The following TUBGCP4 variants were observed in gnomAD, a reference collection of about 807,000 sequenced individuals.
The protein encoded by TUBGCP4 is gamma-tubulin complex component 4.
In TUBGCP4, 54 loss-of-function variants were observed where a neutral mutation model predicts 91.6. The observed-to-expected ratio is 0.59, with a 90% CI of 0.47 to 0.74. TUBGCP4 has a LOEUF of 0.74. TUBGCP4 is among the 30% of genes least tolerant of loss of function. TUBGCP4 has a pLI of 0.00. For missense variants in TUBGCP4, 593 were observed against 800.9 expected, an observed-to-expected ratio of 0.74 and a Z score of 3.13; for synonymous variants, 297 against 302.8, an observed-to-expected ratio of 0.98 and a Z score of 0.20.
rs944671042 is a variant in TUBGCP4 at position 43,379,996 on chromosome 15, T to C, written c.442-88T>C. 2.4e-6 allele frequency: 3 copies of C among 1,260,924 alleles called. No individual in the cohort carries two copies. In the African/African-American group the frequency reaches 4.4e-5, roughly 19 times the overall value. The allele number at this position is 1,260,924 out of a possible 1,614,324, so 78.1% of individuals were successfully genotyped here. On this transcript the variant is annotated intron_variant, in intron 5 of 17. Coordinates refer to ENST00000564079, the MANE Select transcript of TUBGCP4 (RefSeq NM_014444.5). ...TTTATCCCCAGTCTCTCCTAGATTG[T>C]GCCCTCTTGGTTGAATATGGAATAA...
intron 7 of TUBGCP4, chr15:43,385,443 C>T: frequency 2.2e-6 from 1 of 463,960 alleles, no homozygotes; most frequent in Non-Finnish European, 4.3e-6. Flanking sequence ...CCCTGAGGAG[C>T]ACCAGCAGAG....
At chr15:43,391,212 C>T (rs1203054300) in intron 9 of TUBGCP4, among the ~76,000 whole-genome samples, 1 of 151,566 alleles carries the variant, frequency 6.6e-6, no homozygotes, top group Admixed American at 6.6e-5. Context: ...TTCTTTTTTT[C>T]CCCCAGAGAC....
At chr15:43,401,646 G>A (rs1766517846) in intron 14 of TUBGCP4, 70 bp from the exon 15 acceptor site, 1 of 1,517,040 alleles carries the variant, frequency 6.6e-7, no homozygotes, top group Non-Finnish European at 9.0e-7. Context: ...ATTTCAATCT[G>A]TCAGGCATCT....
Position 43,400,241 on chromosome 15 carries a change from T to G in TUBGCP4, c.1596+20T>G. ...CTCCAGGTCTGTGCTAAGAGATGAG[T>G]AGAAGGAAGGGGTACGGAAAAACGT... On this transcript the variant is annotated intron_variant, in intron 14 of 17. Coordinates refer to ENST00000564079, the MANE Select transcript of TUBGCP4 (RefSeq NM_014444.5). 1 of 1,606,748 alleles carries G rather than the reference T, an allele frequency of 6.2e-7. No individual in the cohort carries two copies. Among genetic ancestry groups the G allele is most frequent in the Non-Finnish European group, 8.5e-7 (1 of 1,174,134 alleles).
intron 9 of TUBGCP4, among the ~76,000 whole-genome samples, chr15:43,387,322 A>G (rs745726787): frequency 3.3e-5 from 5 of 152,352 alleles, no homozygotes; most frequent in East Asian, 3.9e-4. Context: ...TCAAAGGAGC[A>G]TATATGTTCT....
intron 9 of TUBGCP4, chr15:43,391,568 C>T (rs753427006): frequency 6.6e-6 from 1 of 152,158 alleles, no homozygotes; most frequent in Non-Finnish European, 1.5e-5. Flanking sequence ...ACCTGGTGGT[C>T]CCCCACTCCC....
At position 43,405,133 on chromosome 15, in the gene TUBGCP4, A is replaced by AT. The variant is rs1595507435; in HGVS notation, c.1989-67dup. The AT allele has an allele frequency of 8.4e-6, 13 of 1,554,502 alleles. No individual in the cohort carries two copies. The East Asian group carries it at 2.7e-4, about 32-fold the overall frequency. On this transcript the variant is annotated intron_variant, in intron 17 of 17. Transcript: ENST00000564079. ...ATTATTTAGATCACAGGTTATCCTG[A>AT]TTCATATTTCTTTGAAGGTAGTCTT...
intron 9 of TUBGCP4, among the ~76,000 whole-genome samples, chr15:43,392,586 C>T (rs989003244): frequency 6.6e-6 from 1 of 152,010 alleles, no homozygotes; most frequent in Non-Finnish European, 1.5e-5. Flanking sequence ...GCAACCTCTG[C>T]CTCCCGGGTT....
chr15:43,373,943 C>A (rs546669364), intron 1 of TUBGCP4, among the ~76,000 whole-genome samples: 2 of 152,130 alleles, frequency 1.3e-5, no homozygotes, highest in African/African-American at 4.8e-5. Flanking sequence ...TGAGCCACTG[C>A]GCCCGGCAAG....
In TUBGCP4 at chr15:43,406,864, T is replaced by C. The variant is rs2044910567; in HGVS notation, c.*1650T>C. 2 of 306,638 alleles carry C rather than the reference T, an allele frequency of 6.5e-6. No homozygotes were observed. The highest frequency in any genetic ancestry group is 6.1e-5 in the South Asian group (2 of 32,766). 19.0% of individuals were successfully genotyped at this position (306,638 alleles called of 1,614,324 possible). On this transcript the variant is annotated 3_prime_UTR_variant, in exon 18 of 18. Transcript: ENST00000564079. ...TTCGTTCTCCCTTTAGCTCTAAGAG[T>C]TGGGGAGTACCCACAGGTGAGCTGT... is the stretch of plus-strand genomic sequence containing the variant.
rs1595514589 is a variant in TUBGCP4, at chr15:43,408,116, G to A, written c.*2902G>A. On this transcript the variant is annotated 3_prime_UTR_variant, in exon 18 of 18. Coordinates refer to ENST00000564079, the MANE Select transcript of TUBGCP4 (RefSeq NM_014444.5). ...ATGAAGGAGACAGGAAAGGACCTTA[G>A]CATGACAAGTAATATCCAACAAACT... is the stretch of plus-strand genomic sequence containing the variant. The A allele has an allele frequency of 3.1e-6, 5 of 1,607,790 alleles. No individual in the cohort carries two copies. Among genetic ancestry groups the A allele is most frequent in the Non-Finnish European group, 2.5e-6 (3 of 1,176,984 alleles).
intron 17 of TUBGCP4, 64 bp downstream of exon 17, chr15:43,404,616 T>G: frequency 6.4e-7 from 1 of 1,559,168 alleles, no homozygotes; most frequent in African/African-American, 1.4e-5. Flanking sequence ...AGTTGTAGAA[T>G]TCTAGAACTG....
At chr15:43,374,355 T>C (rs1379474270) in intron 1 of TUBGCP4, among the ~76,000 whole-genome samples, 1 of 152,164 alleles carries the variant, frequency 6.6e-6, no homozygotes, top group East Asian at 1.9e-4. Context: ...ACACTTGTGA[T>C]CTCAGCACTT....
chr15:43,397,669 A>T (rs2243434), intron 12 of TUBGCP4, among the ~76,000 whole-genome samples: 42,935 of 151,906 alleles, frequency 0.28, 10,125 homozygotes, highest in African/African-American at 0.64. Flanking sequence ...CCCCCTTCTT[A>T]GTGTCCCCTG....
chr15:43,397,946 T>C (rs768398260), intron 12 of TUBGCP4, 95 bp from the exon 13 acceptor site: 3 of 1,300,426 alleles, frequency 2.3e-6, no homozygotes, highest in Non-Finnish European at 3.2e-6. Context: ...TCCTGTGAGC[T>C]CTAGTTTCAT....
chr15:43,377,350 T>C (rs2044220718), intron 4 of TUBGCP4, among the ~76,000 whole-genome samples: 1 of 152,160 alleles, frequency 6.6e-6, no homozygotes, highest in Non-Finnish European at 1.5e-5. Flanking sequence ...CGACTGGGCA[T>C]GGTGGTACAC....
At chr15:43,383,021 T>C (rs1468679174) in intron 6 of TUBGCP4, among the ~76,000 whole-genome samples, 2 of 152,194 alleles carry the variant, frequency 1.3e-5, no homozygotes, top group Non-Finnish European at 2.9e-5. Context: ...CAGTTGTACA[T>C]ATTTAGGACC....
At chr15:43,404,683 T>TGTGA in intron 17 of TUBGCP4, 131 bp downstream of exon 17, 1 of 942,602 alleles carries the variant, frequency 1.1e-6, no homozygotes, top group Non-Finnish European at 1.6e-6. Context: ...GAGATAGAGG[T>TGTGA]GTGACCATCT....
At chr15:43,387,805 CT>C (rs2044401538) in intron 9 of TUBGCP4, among the ~76,000 whole-genome samples, 1 of 152,076 alleles carries the variant, frequency 6.6e-6, no homozygotes, top group African/African-American at 2.4e-5. Flanking sequence ...CAAGTCCTTA[CT>C]TCCAGAGCTT....
Sources: allele counts gnomAD v4.1 joint callset (sites outside exome capture counted in the v4.1 genomes callset), GRCh38; gene constraint gnomAD v4.1.1; transcripts MANE v1.5; gene names NCBI Gene and HGNC (gene_info 2026-07-23, HGNC 2026-07-21).